The following AFF2 variants were observed in gnomAD, a reference collection of about 807,000 sequenced individuals.
AFF2 encodes AF4/FMR2 family member 2.
In AFF2, 14 loss-of-function variants were observed where a neutral mutation model predicts 76.9. The ratio of observed to expected loss-of-function variants is 0.18; its 90% CI spans 0.12 to 0.28. AFF2 has a LOEUF of 0.28. Ranked by LOEUF, AFF2 falls within the 10% of genes least tolerant of loss-of-function variation. The pLI, the probability that AFF2 is intolerant of heterozygous loss-of-function variation, is 1.00. For synonymous variants in AFF2, 398 were observed against 366.7 expected (o/e 1.09, Z -0.98); for missense variants, 868 against 1,001.1 (o/e 0.87, Z 1.79).
At chrX:148,959,522 G>A (rs1173523536) in intron 12 of AFF2, among the ~76,000 whole-genome samples, 1 of 111,997 alleles carries the variant, frequency 8.9e-6, no homozygotes. Flanking sequence ...CATTTGTCTG[G>A]ATCTTTGTTG....
At chrX:148,935,339 A>G (rs1319053739) in intron 9 of AFF2, among the ~76,000 whole-genome samples, 2 of 110,236 alleles carry the variant, frequency 1.8e-5, no homozygotes, top group African/African-American at 3.3e-5. Flanking sequence ...CTTTCTCTTT[A>G]TAAGCTACAG....
intron 9 of AFF2, among the ~76,000 whole-genome samples, chrX:148,920,080 A>AG (rs1569557098): frequency 8.9e-6 from 1 of 112,379 alleles, no homozygotes; most frequent in Non-Finnish European, 1.9e-5. Context: ...CAAATTCTAC[A>AG]GTGTCCAGGT....
At chrX:148,518,425 G>A (rs963863667) in intron 1 of AFF2, among the ~76,000 whole-genome samples, 1 of 112,494 alleles carries the variant, frequency 8.9e-6, no homozygotes, top group Admixed American at 9.4e-5. Flanking sequence ...AGTTATCCAC[G>A]ACCATGGGTC....
chrX:148,923,579 G>A (rs1557283459), intron 9 of AFF2, among the ~76,000 whole-genome samples: 1 of 109,946 alleles, frequency 9.1e-6, no homozygotes, highest in African/African-American at 3.4e-5. Context: ...AAAACCCAAA[G>A]TGTGTGTGAT....
chrX:148,953,502 G>A lies in AFF2; in HGVS notation c.1398-78G>A, dbSNP rs955052057. 1.0e-5 allele frequency: 11 copies of A among 1,054,051 alleles called. No homozygotes were observed. In the African/African-American group the frequency reaches 2.1e-4, roughly 20 times the overall value. 86.9% of individuals were successfully genotyped at this position (1,054,051 alleles called of 1,213,427 possible). A position where few individuals can be genotyped will look rare whatever the true frequency, so the allele number is the denominator to read the frequency against. ...TCTACCTGCATTTCACAGACCACAG[G>A]CCCTTCACCTGAACTGGGCTGTTTT... On this transcript the variant is annotated intron_variant, in intron 9 of 20. Transcript: ENST00000370460.
chrX:148,724,153 T>C (rs1188940755), intron 3 of AFF2, among the ~76,000 whole-genome samples: 1 of 110,761 alleles, frequency 9.0e-6, no homozygotes, highest in Non-Finnish European at 1.9e-5. Context: ...CCAAGGCTCA[T>C]GATGGCCATG....
At chrX:148,846,829 T>G (rs896933221) in intron 7 of AFF2, among the ~76,000 whole-genome samples, 1 of 112,361 alleles carries the variant, frequency 8.9e-6, no homozygotes, top group African/African-American at 3.2e-5. Flanking sequence ...AGAGATCTTT[T>G]TATTTCAATG....
At chrX:148,766,210 G>C (rs1557267714) in intron 3 of AFF2, among the ~76,000 whole-genome samples, 1 of 109,634 alleles carries the variant, frequency 9.1e-6, no homozygotes, top group African/African-American at 3.3e-5. Flanking sequence ...AGTCCTTTGG[G>C]TATATACCCA....
At chrX:148,546,693 T>A (rs1369046994) in intron 1 of AFF2, among the ~76,000 whole-genome samples, 1 of 112,403 alleles carries the variant, frequency 8.9e-6, no homozygotes, top group African/African-American at 3.2e-5. Flanking sequence ...TCTTTGTCTA[T>A]GCTGGAGAGA....
rs147514550 is a variant in AFF2, at chrX:148,749,083, G to A, written c.1042-60793G>A. ...GGAACTGTAAAAGCTGTGCTTCACA[G>A]AATTTAAAAAGGGGAAACCCCAGTA... On this transcript the variant is annotated intron_variant, in intron 3 of 20. Transcript: ENST00000370460. Among the ~76,000 whole-genome samples the A allele has an allele frequency of 3.9e-4, 43 of 111,374 alleles. No individual in the cohort carries two copies. The East Asian group carries it at 0.011, about 28-fold the overall frequency.
intron 3 of AFF2, among the ~76,000 whole-genome samples, chrX:148,773,747 A>AAAGAAAGAAAGAAAGAAAGAAAGG (rs1266070454): frequency 1.3e-5 from 1 of 74,111 alleles, no homozygotes; most frequent in East Asian, 5.7e-4. Context: ...AGAAAGAAAG[A>AAAGAAAGAAAGAAAGAAAGAAAGG]GAAAGAAAGA....
chrX:148,710,772 A>T (rs782476097), intron 3 of AFF2, among the ~76,000 whole-genome samples: 2 of 111,769 alleles, frequency 1.8e-5, no homozygotes, highest in East Asian at 5.6e-4. Context: ...TTAAACCATG[A>T]TTTATTTGCC....
rs782498309 is a variant in AFF2 at position 148,926,428 on chromosome X, G to A, written c.1397+22170G>A. On this transcript the variant is annotated intron_variant, in intron 9 of 20. Transcript: ENST00000370460. ...AATTCTCGCACTCCACCTCACACTG[G>A]TTGCATGAGCTCCCTCTCCACCAAT... Among the ~76,000 whole-genome samples, 4 of 111,984 alleles carry A rather than the reference G, an allele frequency of 3.6e-5. No individual in the cohort carries two copies. The South Asian group carries it at 1.5e-3, about 42-fold the overall frequency.
At chrX:148,814,927 A>T (rs1174958313) in intron 4 of AFF2, among the ~76,000 whole-genome samples, 1 of 111,888 alleles carries the variant, frequency 8.9e-6, no homozygotes, top group Non-Finnish European at 1.9e-5. Context: ...ATGCAGCATA[A>T]TCAAGCACCT....
At chrX:148,768,208 A>C (rs2069542842) in intron 3 of AFF2, among the ~76,000 whole-genome samples, 1 of 108,575 alleles carries the variant, frequency 9.2e-6, no homozygotes, top group Non-Finnish European at 1.9e-5. Context: ...CCTCACCCCC[A>C]AATCCAGCAG....
chrX:148,766,585 A>G (rs1287587553), intron 3 of AFF2, among the ~76,000 whole-genome samples: 1 of 104,589 alleles, frequency 9.6e-6, no homozygotes, highest in African/African-American at 3.5e-5. Context: ...GTTTGAGTTC[A>G]TTGTAGATTC....
intron 1 of AFF2, among the ~76,000 whole-genome samples, chrX:148,516,045 G>A (rs1557233775): frequency 8.9e-6 from 1 of 111,904 alleles, no homozygotes; most frequent in African/African-American, 3.3e-5. Context: ...CCAGCCCTTG[G>A]TTGCAGTTCT....
chrX:148,598,980 T>C (rs1382925243), intron 1 of AFF2, among the ~76,000 whole-genome samples: 1 of 112,539 alleles, frequency 8.9e-6, no homozygotes, highest in African/African-American at 3.2e-5. Flanking sequence ...AAACTGTCTT[T>C]CTCTATGTTA....
Position 148,999,534 on chromosome X carries a change from G to T in AFF2, c.*8202G>T, listed in dbSNP as rs2072650183. ...GGATGCTTACCAACACCATGTCGCTGGACCATTGTGGCAAGCCATAACTGC... is the reference window on the plus strand; with the variant it reads ...GGATGCTTACCAACACCATGTCGCTTGACCATTGTGGCAAGCCATAACTGC... On this transcript the variant is annotated 3_prime_UTR_variant, in exon 21 of 21. Coordinates refer to ENST00000370460, the MANE Select transcript of AFF2 (RefSeq NM_002025.4). The T allele has an allele frequency of 9.0e-6, 1 of 111,546 alleles. No homozygotes were observed. The highest frequency in any genetic ancestry group is 3.8e-4 in the South Asian group (1 of 2,665). 9.2% of individuals were successfully genotyped at this position (111,546 alleles called of 1,213,427 possible).
Sources: allele counts gnomAD v4.1 joint callset (sites outside exome capture counted in the v4.1 genomes callset), GRCh38; gene constraint gnomAD v4.1.1; transcripts MANE v1.5; gene names NCBI Gene and HGNC (gene_info 2026-07-23, HGNC 2026-07-21).